PTPRR: variants seen among roughly 807,000 people sequenced by gnomAD.
PTPRR encodes protein tyrosine phosphatase receptor type R.
A neutral mutation model predicts 77.2 loss-of-function variants in PTPRR; 38 were observed. The ratio of observed to expected loss-of-function variants is 0.49; its 90% CI spans 0.38 to 0.65. PTPRR has a LOEUF of 0.65. Among genes scored for constraint, PTPRR ranks in the 30% least tolerant of loss-of-function variants. The probability of loss-of-function intolerance (pLI) is 0.00; values close to 1 mark genes in which losing one functional copy is unlikely to be tolerated. For synonymous variants in PTPRR, 299 were observed against 283.1 expected (o/e 1.06, Z -0.57); for missense variants, 744 against 799.2 (o/e 0.93, Z 0.83).
chr12:70,641,736 C>G (rs1046648652), intron 13 of PTPRR, among the ~76,000 whole-genome samples: 2 of 152,124 alleles, frequency 1.3e-5, no homozygotes, highest in African/African-American at 2.4e-5. Context: ...AGAAATCTTG[C>G]AATTTTAGAG....
chr12:70,878,465 G>T (rs1353619933), intron 2 of PTPRR, among the ~76,000 whole-genome samples: 7 of 152,172 alleles, frequency 4.6e-5, no homozygotes, highest in Admixed American at 4.6e-4. Flanking sequence ...CTTCTCAAAA[G>T]AAGACATTTA....
At chr12:70,722,085 C>T (rs1201839404) in intron 6 of PTPRR, among the ~76,000 whole-genome samples, 1 of 152,066 alleles carries the variant, frequency 6.6e-6, no homozygotes, top group African/African-American at 2.4e-5. Flanking sequence ...AAATCTGTCC[C>T]GGCTATGCGC....
chr12:70,691,367 C>G (rs938557861), intron 8 of PTPRR, among the ~76,000 whole-genome samples: 1 of 152,160 alleles, frequency 6.6e-6, no homozygotes, highest in Non-Finnish European at 1.5e-5. Context: ...GGTTTTCCTG[C>G]TCCCTTTTCG....
At chr12:70,674,397 A>G (rs1272356336) in intron 10 of PTPRR, among the ~76,000 whole-genome samples, 1 of 152,174 alleles carries the variant, frequency 6.6e-6, no homozygotes, top group African/African-American at 2.4e-5. Flanking sequence ...ACTTCCTTCT[A>G]TGAGCATTTT....
At chr12:70,723,214 C>A (rs1424278222) in intron 6 of PTPRR, among the ~76,000 whole-genome samples, 1 of 152,252 alleles carries the variant, frequency 6.6e-6, no homozygotes, top group South Asian at 2.1e-4. Context: ...AAGTTAAAAA[C>A]CAGTAGCAAC....
At chr12:70,711,765 T>C (rs1009618973) in intron 6 of PTPRR, among the ~76,000 whole-genome samples, 1 of 152,188 alleles carries the variant, frequency 6.6e-6, no homozygotes, top group Non-Finnish European at 1.5e-5. Context: ...CCCTTTAATA[T>C]CTATCTGAAA....
intron 2 of PTPRR, among the ~76,000 whole-genome samples, chr12:70,867,862 G>C (rs989076092): frequency 6.6e-4 from 100 of 152,250 alleles, no homozygotes; most frequent in Non-Finnish European, 1.2e-3. Context: ...GAACAGAACA[G>C]AGCCCTCAGA....
chr12:70,912,096 CAAAG>C (rs1893708821), intron 1 of PTPRR, among the ~76,000 whole-genome samples: 1 of 152,130 alleles, frequency 6.6e-6, no homozygotes, highest in Non-Finnish European at 1.5e-5. Context: ...ATCAAGAAGA[CAAAG>C]AAACTAAATT....
intron 1 of PTPRR, 79 bp from the exon 2 acceptor site, chr12:70,893,056 A>AC: frequency 6.9e-7 from 1 of 1,449,446 alleles, no homozygotes; most frequent in South Asian, 1.3e-5. Flanking sequence ...GAAGAGGATT[A>AC]CCCTTTCTTG....
chr12:70,772,208 T>G (rs1349795300), intron 2 of PTPRR, among the ~76,000 whole-genome samples: 1 of 152,118 alleles, frequency 6.6e-6, no homozygotes, highest in South Asian at 2.1e-4. Flanking sequence ...ATTCACTAAT[T>G]TGAACATAGT....
In PTPRR at chr12:70,754,227, A is replaced by G. The variant is rs1890495923; in HGVS notation, c.702T>C (p.Phe234=). The G allele has an allele frequency of 6.2e-7, 1 of 1,613,692 alleles. No individual in the cohort carries two copies. The highest frequency in any genetic ancestry group is 1.3e-5 in the African/African-American group (1 of 75,042). Residue 234 remains phenylalanine, a synonymous_variant, in exon 5 of 14, where the codon TTT becomes TTC. Transcript: ENST00000283228. ...SKEGFYAVVI[F]LSIFVIIVTC... Reference sequence around the variant, plus strand: ...TTACTATAATAACAAAGATGCTGAGAAAAATGACAACAGCATAAAATCCTT... The same window carrying G: ...TTACTATAATAACAAAGATGCTGAGGAAAATGACAACAGCATAAAATCCTT...
chr12:70,902,747 G>T (rs1449883529), intron 1 of PTPRR, among the ~76,000 whole-genome samples: 2 of 151,556 alleles, frequency 1.3e-5, no homozygotes, highest in Non-Finnish European at 1.5e-5. Context: ...AGAGTGGGAG[G>T]GGGGCAAGGG....
chr12:70,868,369 T>G lies in PTPRR; in HGVS notation c.357+24310A>C, dbSNP rs1229458529. 5.6e-3 allele frequency among the ~76,000 whole-genome samples: 409 copies of G among 73,182 alleles called. 1 individual carries two copies. Among genetic ancestry groups the G allele is most frequent in the Admixed American group, 7.8e-3 (54 of 6,916 alleles). The allele number at this position is 73,182 out of a possible 152,430, so 48.0% of individuals were successfully genotyped here. A position where few individuals can be genotyped will look rare whatever the true frequency, so the allele number is the denominator to read the frequency against. Reference sequence around the variant, plus strand: ...AAAAAAAAACAACCCCATCAAAAAGTGGGAAAGGATATGAACAGACACTTC... The same window carrying G: ...AAAAAAAAACAACCCCATCAAAAAGGGGGAAAGGATATGAACAGACACTTC... On this transcript the variant is annotated intron_variant, in intron 2 of 13. Transcript: ENST00000283228.
At chr12:70,720,496 T>C (rs574174879) in intron 6 of PTPRR, among the ~76,000 whole-genome samples, 30 of 150,566 alleles carry the variant, frequency 2.0e-4, no homozygotes, top group African/African-American at 7.3e-4. Flanking sequence ...GGTATTGCTC[T>C]GTTACCCTGG....
intron 6 of PTPRR, among the ~76,000 whole-genome samples, chr12:70,727,571 A>G (rs1565668705): frequency 2.0e-5 from 3 of 152,214 alleles, no homozygotes; most frequent in Admixed American, 2.0e-4. Context: ...TGTGTCTGAG[A>G]GTATTTTCTA....
intron 4 of PTPRR, among the ~76,000 whole-genome samples, chr12:70,759,001 C>T (rs1890626804): frequency 6.6e-6 from 1 of 152,126 alleles, no homozygotes; most frequent in East Asian, 1.9e-4. Flanking sequence ...GTGGCCTCAT[C>T]ATAGCTCATT....
At chr12:70,876,966 G>C (rs1250143308) in intron 2 of PTPRR, among the ~76,000 whole-genome samples, 2 of 152,168 alleles carry the variant, frequency 1.3e-5, no homozygotes, top group South Asian at 2.1e-4. Flanking sequence ...TAGCAGTTGG[G>C]TGTCTCACAA....
Position 70,761,615 on chromosome 12 carries a change from GTTC to G in PTPRR, c.480_482del (p.Lys160del). 6.4e-7 allele frequency: 1 copy of G among 1,566,654 alleles called. No homozygotes were observed. The highest frequency in any genetic ancestry group is 1.7e-4 in the Middle Eastern group (1 of 5,838). On this transcript the variant is annotated inframe_deletion, in exon 4 of 14. Coordinates refer to ENST00000283228, the MANE Select transcript of PTPRR (RefSeq NM_002849.4). ...TGGGAGACACAAACAGTTCAATACT[GTTC>G]TTCTTTCCCTAATAAAAGCAGAATA... is the stretch of plus-strand genomic sequence containing the variant.
At chr12:70,742,285 A>G (rs761772089) in intron 6 of PTPRR, among the ~76,000 whole-genome samples, 6 of 152,226 alleles carry the variant, frequency 3.9e-5, no homozygotes, top group Non-Finnish European at 7.3e-5. Flanking sequence ...GTGAAATGAC[A>G]TCTAGCAAAA....
Sources: gnomAD v4.1 joint callset for allele counts (sites outside exome capture counted in the v4.1 genomes callset) on GRCh38, gnomAD v4.1.1 for gene constraint, MANE v1.5 for transcripts, NCBI Gene and HGNC (gene_info 2026-07-23, HGNC 2026-07-21) for gene names.